GAREM1: variants seen among roughly 807,000 people sequenced by gnomAD.
GAREM1 encodes GRB2 associated regulator of MAPK1 subtype 1.
Under a neutral mutation model 71.3 loss-of-function variants are expected in GAREM1, and 26 were observed. The observed-to-expected ratio is 0.36, with a 90% CI of 0.27 to 0.51. The LOEUF is 0.51. Among genes scored for constraint, GAREM1 ranks in the 20% least tolerant of loss-of-function variants. The pLI, the probability that GAREM1 is intolerant of heterozygous loss-of-function variation, is 0.95. For missense variants in GAREM1, 1,026 were observed against 1,103.1 expected, an observed-to-expected ratio of 0.93 and a Z score of 0.99; for synonymous variants, 440 against 433.2, an observed-to-expected ratio of 1.02 and a Z score of -0.20.
chr18:32,410,276 C>T (rs980657946), intron 1 of GAREM1, among the ~76,000 whole-genome samples: 6 of 152,208 alleles, frequency 3.9e-5, no homozygotes, highest in African/African-American at 1.4e-4. Flanking sequence ...AGGTGAGACA[C>T]AGTGTGCCTT....
intron 4 of GAREM1, among the ~76,000 whole-genome samples, chr18:32,272,872 C>T (rs573124773): frequency 7.9e-4 from 120 of 152,352 alleles, no homozygotes; most frequent in Non-Finnish European, 1.3e-3. Flanking sequence ...ATCCACCCTC[C>T]TTAGCCAGGC....
intron 2 of GAREM1, among the ~76,000 whole-genome samples, chr18:32,326,622 T>C (rs2144548690): frequency 6.6e-6 from 1 of 152,316 alleles, no homozygotes; most frequent in Non-Finnish European, 1.5e-5. Flanking sequence ...TTTGTCCTAC[T>C]CCCAAACCAG....
chr18:32,310,912 T>C (rs2047314496), intron 2 of GAREM1, among the ~76,000 whole-genome samples: 1 of 152,182 alleles, frequency 6.6e-6, no homozygotes, highest in African/African-American at 2.4e-5. Flanking sequence ...GGCAGAAGCA[T>C]GGAGCAGCAG....
At chr18:32,381,949 A>G (rs1057023300) in intron 2 of GAREM1, among the ~76,000 whole-genome samples, 11 of 152,112 alleles carry the variant, frequency 7.2e-5, no homozygotes, top group Admixed American at 3.3e-4. Flanking sequence ...CTACCTACTC[A>G]ACAATTCCAT....
chr18:32,426,237 T>C (rs1379610390), intron 1 of GAREM1, among the ~76,000 whole-genome samples: 2 of 152,076 alleles, frequency 1.3e-5, no homozygotes, highest in Non-Finnish European at 2.9e-5. Flanking sequence ...CCCAGGATAG[T>C]CTCGGTCTCC....
At chr18:32,292,018 T>C (rs924240690) in intron 3 of GAREM1, among the ~76,000 whole-genome samples, 9 of 152,328 alleles carry the variant, frequency 5.9e-5, no homozygotes, top group African/African-American at 2.2e-4. Flanking sequence ...GTAATGGGAT[T>C]GCTGGGTCAA....
At chr18:32,273,507 T>C (rs1489179667) in intron 4 of GAREM1, among the ~76,000 whole-genome samples, 1 of 152,142 alleles carries the variant, frequency 6.6e-6, no homozygotes, top group Non-Finnish European at 1.5e-5. Context: ...AACTAGGGAC[T>C]CCTGAAGGGC....
chr18:32,310,246 T>C lies in GAREM1; in HGVS notation c.340A>G (p.Lys114Glu). ...ACGTACACGCGTTCAGGAAATGCCT[T>C]AGCCACCTCCTCCACACTGTTGAAA... is the stretch of plus-strand genomic sequence containing the variant. ...QYFNSVEEVAKAFPERVYVME... is the reference protein window; with the variant it reads ...QYFNSVEEVAEAFPERVYVME... Residue 114 changes from lysine (K) to glutamate (E), a missense_variant, in exon 3 of 6, where the codon AAG becomes GAG. Transcript: ENST00000269209. 1.2e-6 allele frequency: 2 copies of C among 1,614,050 alleles called. No individual in the cohort carries two copies. Among genetic ancestry groups the C allele is most frequent in the Non-Finnish European group, 1.7e-6 (2 of 1,179,936 alleles).
At chr18:32,289,773 C>A (rs554593744) in intron 3 of GAREM1, among the ~76,000 whole-genome samples, 3 of 152,148 alleles carry the variant, frequency 2.0e-5, no homozygotes, top group Non-Finnish European at 4.4e-5. Context: ...GCCAGGGAAG[C>A]TGCTCAATAT....
At chr18:32,300,210 A>T (rs1416575327) in intron 3 of GAREM1, among the ~76,000 whole-genome samples, 1 of 152,224 alleles carries the variant, frequency 6.6e-6, no homozygotes, top group Non-Finnish European at 1.5e-5. Context: ...TAGGTAGAAA[A>T]TGCTGGAGCA....
intron 2 of GAREM1, among the ~76,000 whole-genome samples, chr18:32,371,024 T>A (rs921183654): frequency 1.3e-5 from 2 of 152,160 alleles, no homozygotes; most frequent in African/African-American, 4.8e-5. Flanking sequence ...ATGACAAATG[T>A]GGACATTTAG....
At chr18:32,275,286 C>CACAT (rs2041524301) in intron 4 of GAREM1, among the ~76,000 whole-genome samples, 1 of 152,168 alleles carries the variant, frequency 6.6e-6, no homozygotes, top group South Asian at 2.1e-4. Context: ...GCCTAATGGA[C>CACAT]TAAAGCCTTT....
At chr18:32,355,525 C>A (rs1360633849) in intron 2 of GAREM1, among the ~76,000 whole-genome samples, 2 of 152,096 alleles carry the variant, frequency 1.3e-5, no homozygotes, top group Non-Finnish European at 2.9e-5. Flanking sequence ...GAGCTTTATG[C>A]TCAATGTTTC....
chr18:32,334,207 C>A (rs922564099), intron 2 of GAREM1, among the ~76,000 whole-genome samples: 4 of 152,090 alleles, frequency 2.6e-5, no homozygotes, highest in Non-Finnish European at 5.9e-5. Flanking sequence ...GAAGAGAGAG[C>A]TTTATAGAAG....
intron 3 of GAREM1, among the ~76,000 whole-genome samples, chr18:32,299,909 TTTATA>T (rs1567955111): frequency 6.6e-6 from 1 of 152,098 alleles, no homozygotes; most frequent in Non-Finnish European, 1.5e-5. Flanking sequence ...TTTTAAAAAA[TTTATA>T]TTATGAGACT....
chr18:32,384,299 G>A (rs1433632516), intron 2 of GAREM1, among the ~76,000 whole-genome samples: 2 of 151,918 alleles, frequency 1.3e-5, no homozygotes, highest in Non-Finnish European at 2.9e-5. Context: ...TTTAACACTG[G>A]AACAAAACGA....
chr18:32,326,829 C>T (rs976932336), intron 2 of GAREM1, among the ~76,000 whole-genome samples: 1 of 152,216 alleles, frequency 6.6e-6, no homozygotes, highest in African/African-American at 2.4e-5. Flanking sequence ...TTTTGACCCT[C>T]TTCCATGTTA....
chr18:32,363,920 A>ACACACACAT (rs1408632288), intron 2 of GAREM1, among the ~76,000 whole-genome samples: 6 of 146,660 alleles, frequency 4.1e-5, no homozygotes, highest in African/African-American at 1.5e-4. Flanking sequence ...ACACACACAT[A>ACACACACAT]AAAAAATATA....
chr18:32,297,888 T>A (rs2047159055), intron 3 of GAREM1, among the ~76,000 whole-genome samples: 1 of 152,214 alleles, frequency 6.6e-6, no homozygotes, highest in African/African-American at 2.4e-5. Context: ...TGTGTTTCTA[T>A]CCCTTTAAAT....
Sources: allele counts gnomAD v4.1 joint callset (sites outside exome capture counted in the v4.1 genomes callset), GRCh38; gene constraint gnomAD v4.1.1; transcripts MANE v1.5; gene names NCBI Gene and HGNC (gene_info 2026-07-23, HGNC 2026-07-21).